KCNIP4: variants seen among roughly 807,000 people sequenced by gnomAD.
KCNIP4 encodes Kv channel-interacting protein 4.
A neutral mutation model predicts 34.0 loss-of-function variants in KCNIP4; 12 were observed. The ratio of observed to expected loss-of-function variants is 0.35; its 90% CI spans 0.23 to 0.57. The LOEUF (loss-of-function observed/expected upper bound fraction) is 0.57. KCNIP4 is among the 20% of genes least tolerant of loss of function. KCNIP4 has a pLI of 0.83. For missense variants in KCNIP4, 238 were observed against 311.7 expected (o/e 0.76, Z 1.78); for synonymous variants, 124 against 102.2 (o/e 1.21, Z -1.29).
At chr4:20,744,206 C>CTAG (rs1374642382) in intron 5 of KCNIP4, among the ~76,000 whole-genome samples, 3 of 151,988 alleles carry the variant, frequency 2.0e-5, no homozygotes, top group African/African-American at 7.2e-5. Context: ...ACTGGTGACT[C>CTAG]CTCAAGGAGC....
At chr4:21,201,326 C>T (rs1756476168) in intron 1 of KCNIP4, among the ~76,000 whole-genome samples, 1 of 151,954 alleles carries the variant, frequency 6.6e-6, no homozygotes, top group African/African-American at 2.4e-5. Context: ...GTTAAAAGAA[C>T]AGGAGGTGAA....
In KCNIP4 at chr4:20,819,595, T is replaced by C. The variant is rs73802345; in HGVS notation, c.288+30948A>G. Among the ~76,000 whole-genome samples, 12 of 152,284 alleles carry C rather than the reference T, an allele frequency of 7.9e-5. No individual in the cohort carries two copies. In the East Asian group the frequency reaches 1.5e-3, roughly 20 times the overall value. On this transcript the variant is annotated intron_variant, in intron 3 of 8. Coordinates refer to ENST00000382152, the MANE Select transcript of KCNIP4 (RefSeq NM_025221.6). ...TCAGAGAATGATGGGTTGTTATAGTTTGAATGGATGAGGTCCCTCCAAAAT... is the reference window on the plus strand; with the variant it reads ...TCAGAGAATGATGGGTTGTTATAGTCTGAATGGATGAGGTCCCTCCAAAAT...
At chr4:21,238,181 G>T (rs976185186) in intron 1 of KCNIP4, among the ~76,000 whole-genome samples, 9 of 151,912 alleles carry the variant, frequency 5.9e-5, no homozygotes, top group South Asian at 2.1e-4. Flanking sequence ...ATTCAACAAG[G>T]CTTCATGCTA....
chr4:20,796,405 T>C (rs1388545462), intron 3 of KCNIP4, among the ~76,000 whole-genome samples: 1 of 152,056 alleles, frequency 6.6e-6, no homozygotes, highest in Non-Finnish European at 1.5e-5. Flanking sequence ...ACGTTTTGGG[T>C]AATAATACTT....
chr4:21,834,726 G>C (rs1359572461), intron 1 of KCNIP4, among the ~76,000 whole-genome samples: 18 of 149,482 alleles, frequency 1.2e-4, no homozygotes, highest in African/African-American at 4.6e-4. Flanking sequence ...ATTGGCTGTG[G>C]GTTTGTCATA....
intron 1 of KCNIP4, among the ~76,000 whole-genome samples, chr4:21,874,664 C>G (rs1726000313): frequency 6.6e-6 from 1 of 152,168 alleles, no homozygotes; most frequent in Non-Finnish European, 1.5e-5. Context: ...CTACACCATT[C>G]TATTTTGCTT....
chr4:21,705,433 C>T (rs570875709), intron 1 of KCNIP4, among the ~76,000 whole-genome samples: 2 of 151,826 alleles, frequency 1.3e-5, no homozygotes, highest in Non-Finnish European at 2.9e-5. Context: ...ACAATTATAC[C>T]CAAATAAAAA....
At chr4:21,933,581 G>T (rs138203051) in intron 1 of KCNIP4, among the ~76,000 whole-genome samples, 24 of 152,062 alleles carry the variant, frequency 1.6e-4, no homozygotes, top group African/African-American at 5.5e-4. Flanking sequence ...ATTTTTCAAG[G>T]TCTTTCTTCC....
chr4:20,873,353 T>G (rs186125836), intron 2 of KCNIP4, among the ~76,000 whole-genome samples: 5 of 152,316 alleles, frequency 3.3e-5, no homozygotes, highest in Admixed American at 2.6e-4. Flanking sequence ...AGAGTAATTG[T>G]TCAGGCTTAA....
At chr4:20,940,994 T>C (rs1295453744) in intron 1 of KCNIP4, among the ~76,000 whole-genome samples, 1 of 152,188 alleles carries the variant, frequency 6.6e-6, no homozygotes, top group Non-Finnish European at 1.5e-5. Context: ...ATTTCATGTT[T>C]TTCAAAATGT....
At chr4:21,326,027 C>A (rs139712192) in intron 1 of KCNIP4, among the ~76,000 whole-genome samples, 110 of 151,728 alleles carry the variant, frequency 7.2e-4, no homozygotes, top group Non-Finnish European at 8.7e-4. Context: ...TATTGTCTAT[C>A]CTTGAGAATC....
chr4:20,949,914 C>G (rs900159968), intron 1 of KCNIP4, among the ~76,000 whole-genome samples: 1 of 148,426 alleles, frequency 6.7e-6, no homozygotes, highest in Non-Finnish European at 1.5e-5. Flanking sequence ...TGCTAGATGA[C>G]GAGTTAGTGG....
intron 1 of KCNIP4, among the ~76,000 whole-genome samples, chr4:21,096,955 G>A (rs1747509208): frequency 6.6e-6 from 1 of 151,556 alleles, no homozygotes; most frequent in East Asian, 1.9e-4. Flanking sequence ...ACAGACAATG[G>A]GACAAAGTTT....
chr4:21,085,441 C>T (rs140641695), intron 1 of KCNIP4, among the ~76,000 whole-genome samples: 13 of 152,196 alleles, frequency 8.5e-5, no homozygotes, highest in Admixed American at 4.6e-4. Flanking sequence ...AACTCTGCAG[C>T]CTTCTGTTCC....
At chr4:21,888,612 T>G (rs1373822024) in intron 1 of KCNIP4, among the ~76,000 whole-genome samples, 1 of 152,080 alleles carries the variant, frequency 6.6e-6, no homozygotes, top group Non-Finnish European at 1.5e-5. Flanking sequence ...GGTGCAATCA[T>G]GCCAGAAGCA....
chr4:21,860,863 T>A (rs1046959785), intron 1 of KCNIP4, among the ~76,000 whole-genome samples: 4 of 152,206 alleles, frequency 2.6e-5, no homozygotes, highest in Non-Finnish European at 5.9e-5. Flanking sequence ...TTTTGCTAAA[T>A]CTTGAAACTG....
chr4:21,120,618 T>G (rs1750077376), intron 1 of KCNIP4, among the ~76,000 whole-genome samples: 1 of 151,956 alleles, frequency 6.6e-6, no homozygotes, highest in South Asian at 2.1e-4. Flanking sequence ...CTCAGGAAAA[T>G]CTACCATTTA....
At chr4:21,578,509 C>T (rs1740935254) in intron 1 of KCNIP4, among the ~76,000 whole-genome samples, 3 of 151,696 alleles carry the variant, frequency 2.0e-5, no homozygotes, top group Admixed American at 6.6e-5. Context: ...AAAAGAAAAA[C>T]GGAGCAGGAG....
intron 1 of KCNIP4, among the ~76,000 whole-genome samples, chr4:21,200,804 A>ATT (rs1560803950): frequency 8.5e-4 from 129 of 151,406 alleles, no homozygotes; most frequent in African/African-American, 2.9e-3. Context: ...AAAAAATAAA[A>ATT]ATTTTTTTTT....
Sources: allele counts gnomAD v4.1 joint callset (sites outside exome capture counted in the v4.1 genomes callset), GRCh38; gene constraint gnomAD v4.1.1; transcripts MANE v1.5; gene names NCBI Gene and HGNC (gene_info 2026-07-23, HGNC 2026-07-21).